STX8: variants seen among roughly 807,000 people sequenced by gnomAD.
STX8 encodes the protein syntaxin-8.
A neutral mutation model predicts 37.5 loss-of-function variants in STX8; 23 were observed. That is an observed-to-expected ratio of 0.61 (90% CI 0.44 to 0.87). The LOEUF is 0.87. Among genes scored for constraint, STX8 ranks in the 40% least tolerant of loss-of-function variants. The pLI is 0.00. For missense variants in STX8, 313 were observed against 284.7 expected (o/e 1.10, Z -0.71); for synonymous variants, 115 against 99.1 (o/e 1.16, Z -0.95).
chr17:9,437,391 C>T (rs1904474241), intron 6 of STX8, among the ~76,000 whole-genome samples: 1 of 152,146 alleles, frequency 6.6e-6, no homozygotes, highest in Non-Finnish European at 1.5e-5. Flanking sequence ...AATATACATC[C>T]ATTCATAAGG....
intron 6 of STX8, among the ~76,000 whole-genome samples, chr17:9,454,310 G>A (rs967998267): frequency 6.6e-6 from 1 of 152,128 alleles, no homozygotes; most frequent in South Asian, 2.1e-4. Context: ...GGGATGATTC[G>A]TGTCCCAGGT....
At chr17:9,351,596 T>C (rs1910709610) in intron 7 of STX8, among the ~76,000 whole-genome samples, 1 of 152,188 alleles carries the variant, frequency 6.6e-6, no homozygotes, top group South Asian at 2.1e-4. Context: ...ATGTCCCTCA[T>C]TTACTCAATA....
At chr17:9,262,593 T>G (rs960837275) in intron 7 of STX8, among the ~76,000 whole-genome samples, 2 of 113,356 alleles carry the variant, frequency 1.8e-5, no homozygotes, top group African/African-American at 6.4e-5. Context: ...TGTTTTTTTG[T>G]TTTTTTTGAG....
In STX8 at chr17:9,556,587, G is replaced by A. The variant is rs376484948; in HGVS notation, c.212+847C>T. On this transcript the variant is annotated intron_variant, in intron 3 of 7. Coordinates refer to ENST00000306357, the MANE Select transcript of STX8 (RefSeq NM_004853.3). ...CTCCTGAGTAGCTGGGAGTACAGGC[G>A]TGCACCACCACGCCCAGCTAATTTT... Among the ~76,000 whole-genome samples the A allele has an allele frequency of 8.1e-4, 123 of 151,540 alleles. 1 individual carries two copies. Among genetic ancestry groups the A allele is most frequent in the Non-Finnish European group, 1.4e-3 (93 of 67,898 alleles).
chr17:9,453,975 C>T (rs1477265227), intron 6 of STX8, among the ~76,000 whole-genome samples: 6 of 152,168 alleles, frequency 3.9e-5, no homozygotes, highest in Non-Finnish European at 7.3e-5. Context: ...GGAAACCGCT[C>T]TCACATGGCT....
chr17:9,285,990 T>C (rs577891000), intron 7 of STX8, among the ~76,000 whole-genome samples: 1 of 152,008 alleles, frequency 6.6e-6, no homozygotes, highest in South Asian at 2.1e-4. Context: ...CCAATAACTA[T>C]ATGGAGCGCT....
chr17:9,544,847 T>C (rs1465657299), intron 4 of STX8, among the ~76,000 whole-genome samples: 1 of 151,616 alleles, frequency 6.6e-6, no homozygotes, highest in Non-Finnish European at 1.5e-5. Context: ...AAAAAATTAG[T>C]CGGGCACGGT....
chr17:9,490,928 G>A (rs1380483786), intron 6 of STX8, among the ~76,000 whole-genome samples: 3 of 152,148 alleles, frequency 2.0e-5, no homozygotes, highest in Non-Finnish European at 4.4e-5. Context: ...TCATGATGTT[G>A]TGTGGAGATG....
intron 7 of STX8, among the ~76,000 whole-genome samples, chr17:9,324,748 A>G (rs1909698297): frequency 6.8e-6 from 1 of 147,498 alleles, no homozygotes; most frequent in Non-Finnish European, 1.5e-5. Flanking sequence ...ATGGGTGACA[A>G]GAGCAAAACT....
At chr17:9,527,514 T>C (rs1167735405) in intron 4 of STX8, among the ~76,000 whole-genome samples, 1 of 152,210 alleles carries the variant, frequency 6.6e-6, no homozygotes, top group African/African-American at 2.4e-5. Context: ...ACTTTCTTCT[T>C]CCCGTTTATT....
At chr17:9,384,122 TG>T (rs1433408232) in intron 6 of STX8, among the ~76,000 whole-genome samples, 66 of 137,808 alleles carry the variant, frequency 4.8e-4, no homozygotes, top group African/African-American at 1.9e-3. Context: ...CACCCTCATT[TG>T]TTATTTTTTT....
At chr17:9,463,511 C>T (rs781321614) in intron 6 of STX8, among the ~76,000 whole-genome samples, 31 of 152,144 alleles carry the variant, frequency 2.0e-4, no homozygotes, top group Non-Finnish European at 3.8e-4. Flanking sequence ...CGGTGGCTCA[C>T]GCCTGCACTT....
intron 6 of STX8, among the ~76,000 whole-genome samples, chr17:9,399,438 T>C (rs544194184): frequency 1.3e-5 from 2 of 152,300 alleles, no homozygotes; most frequent in East Asian, 3.9e-4. Context: ...AAGCTGGGTC[T>C]GTAGTGCAAC....
intron 4 of STX8, among the ~76,000 whole-genome samples, chr17:9,535,245 T>C (rs774958707): frequency 7.9e-5 from 12 of 151,934 alleles, no homozygotes; most frequent in Non-Finnish European, 1.5e-4. Context: ...ACTCTCTTTA[T>C]ATGTTAGTCT....
chr17:9,333,372 C>T (rs1202002034), intron 7 of STX8, among the ~76,000 whole-genome samples: 1 of 152,134 alleles, frequency 6.6e-6, no homozygotes, highest in South Asian at 2.1e-4. Context: ...GTTCCTCTAG[C>T]TTTCAAATTA....
chr17:9,441,218 A>G (rs957677236), intron 6 of STX8, among the ~76,000 whole-genome samples: 10 of 151,812 alleles, frequency 6.6e-5, no homozygotes, highest in Non-Finnish European at 1.3e-4. Context: ...ACGGCTGGGC[A>G]CGGTGGCTCA....
intron 1 of STX8, among the ~76,000 whole-genome samples, chr17:9,574,709 T>G (rs1257025060): frequency 6.6e-6 from 1 of 152,148 alleles, no homozygotes; most frequent in Non-Finnish European, 1.5e-5. Context: ...TAATTTTGTA[T>G]TTTTAGTAGA....
intron 1 of STX8, among the ~76,000 whole-genome samples, chr17:9,574,715 G>A (rs1446758480): frequency 6.6e-6 from 1 of 152,072 alleles, no homozygotes; most frequent in African/African-American, 2.4e-5. Flanking sequence ...TGTATTTTTA[G>A]TAGAGACGGG....
chr17:9,277,988 C>T (rs1314190395), intron 7 of STX8, among the ~76,000 whole-genome samples: 2 of 152,118 alleles, frequency 1.3e-5, no homozygotes, highest in Admixed American at 6.5e-5. Flanking sequence ...GGCAATATCT[C>T]CTTTAGGTTA....
Sources: allele counts gnomAD v4.1 joint callset (sites outside exome capture counted in the v4.1 genomes callset), GRCh38; gene constraint gnomAD v4.1.1; transcripts MANE v1.5; gene names NCBI Gene and HGNC (gene_info 2026-07-23, HGNC 2026-07-21).